The following COL18A1 variants were observed in gnomAD, a reference collection of about 807,000 sequenced individuals.
COL18A1 encodes the protein collagen alpha-1(XVIII) chain.
In COL18A1, 133 loss-of-function variants were observed where a neutral mutation model predicts 168.0. The ratio of observed to expected loss-of-function variants is 0.79; its 90% CI spans 0.69 to 0.91. The LOEUF (loss-of-function observed/expected upper bound fraction) is 0.91, where lower values mean the gene tolerates loss of function less well. Ranked by LOEUF, COL18A1 falls within the 40% of genes least tolerant of loss-of-function variation. The probability of loss-of-function intolerance (pLI) is 0.00; values close to 1 mark genes in which losing one functional copy is unlikely to be tolerated. For missense variants in COL18A1, 2,126 were observed against 1,925.4 expected (o/e 1.10, Z -1.95); for synonymous variants, 949 against 809.0 (o/e 1.17, Z -2.94).
chr21:45,451,178 C>T (rs765586899), intron 2 of COL18A1, among the ~76,000 whole-genome samples: 6 of 152,240 alleles, frequency 3.9e-5, no homozygotes, highest in Non-Finnish European at 5.9e-5. Context: ...CAGCTTCCAA[C>T]GGGCATTTCT....
chr21:45,474,295 GTGTGGTGTGTCTC>G (rs1307019648), intron 4 of COL18A1, among the ~76,000 whole-genome samples: 6 of 151,678 alleles, frequency 4.0e-5, no homozygotes, highest in African/African-American at 9.7e-5. Flanking sequence ...TCTGTGTCTT[GTGTGGTGTGTCTC>G]TGTGGTGTGT....
chr21:45,496,525 C>T lies in COL18A1; in HGVS notation c.2534C>T (p.Pro845Leu), dbSNP rs766611711. ...GGAATGCCCGGCCCCCCAGGACCTC[C>T]AGGGCCCCCAGGCCCTCCAGGGACT... ...MRGMPGPPGPPGPPGPPGTPV... is the reference protein window; with the variant it reads ...MRGMPGPPGPLGPPGPPGTPV... The change falls in exon 30 of 42, where the codon CCA becomes CTA. Residue 845 changes from proline (P) to leucine (L), a missense_variant. Transcript: ENST00000651438. The T allele has an allele frequency of 1.1e-5, 17 of 1,527,334 alleles. No individual in the cohort carries two copies. Among genetic ancestry groups the T allele is most frequent in the East Asian group, 2.2e-5 (1 of 44,516 alleles). The allele number at this position is 1,527,334 out of a possible 1,614,324, so 94.6% of individuals were successfully genotyped here.
rs1003945022 is a variant in COL18A1, at chr21:45,497,085, A to G, written c.2613A>G (p.Gly871=). The change falls in exon 31 of 42, where the codon GGA becomes GGG. Residue 871 remains glycine (G), a synonymous_variant. Coordinates refer to ENST00000651438, the MANE Select transcript of COL18A1 (RefSeq NM_001379500.1). The part of the protein sequence containing the change: ...FAESSRPGPP[G]LPGNQGPPGP... ...AGTCCAGCCGCCCCGGGCCTCCAGG[A>G]TTGCCAGGTGAGGGTCCTGGGCTCA... 2 of 1,591,364 alleles carry G rather than the reference A, an allele frequency of 1.3e-6. No individual in the cohort carries two copies. Among genetic ancestry groups the G allele is most frequent in the South Asian group, 2.2e-5 (2 of 90,794 alleles).
chr21:45,484,109 TGC>T (rs66498765), intron 15 of COL18A1, among the ~76,000 whole-genome samples: 1,248 of 101,560 alleles, frequency 0.012, 232 homozygotes, highest in African/African-American at 0.023. Flanking sequence ...CCAGCATATG[TGC>T]ACACGCACAC....
chr21:45,502,018 C>A (rs1163959867), intron 32 of COL18A1, among the ~76,000 whole-genome samples: 2 of 80,934 alleles, frequency 2.5e-5, no homozygotes, highest in African/African-American at 1.1e-4. Context: ...GGTCACCTCC[C>A]TCTGCAGAAG....
chr21:45,426,062 G>A (rs975109259), intron 2 of COL18A1, among the ~76,000 whole-genome samples: 3 of 152,122 alleles, frequency 2.0e-5, no homozygotes, highest in Non-Finnish European at 4.4e-5. Context: ...CCTGGCTGGG[G>A]CGTAAGTGAA....
chr21:45,502,361 G>A (rs1435975797), intron 32 of COL18A1, among the ~76,000 whole-genome samples: 1 of 152,240 alleles, frequency 6.6e-6, no homozygotes, highest in Non-Finnish European at 1.5e-5. Context: ...GGAAGGAGAA[G>A]GGGTTTTGTC....
Position 45,425,964 on chromosome 21 carries a change from C to G in COL18A1, c.106+20491C>G, listed in dbSNP as rs764433803. Among the ~76,000 whole-genome samples, 18 of 152,174 alleles carry G rather than the reference C, an allele frequency of 1.2e-4. No individual in the cohort carries two copies. Among genetic ancestry groups the G allele is most frequent in the Admixed American group, 3.3e-4 (5 of 15,278 alleles). On this transcript the variant is annotated intron_variant, in intron 2 of 41. Transcript: ENST00000651438. This position sits in a 1 kb window ranked among gnomAD's most constrained non-coding sequence, Gnocchi z 4.1. ...GCTTCTTTCATGTGGGATGAGAACCCAGGAAGGGGCTGAGTGTGACTCCTC... is the reference window on the plus strand; with the variant it reads ...GCTTCTTTCATGTGGGATGAGAACCGAGGAAGGGGCTGAGTGTGACTCCTC...
chr21:45,511,646 C>T (rs779114150), intron 41 of COL18A1, among the ~76,000 whole-genome samples: 15 of 152,126 alleles, frequency 9.9e-5, no homozygotes, highest in Non-Finnish European at 2.1e-4. Flanking sequence ...AAGAACGCTT[C>T]GTCCCAAATG....
At chr21:45,452,371 ATG>A (rs2034640839) in intron 2 of COL18A1, among the ~76,000 whole-genome samples, 1 of 152,330 alleles carries the variant, frequency 6.6e-6, no homozygotes, top group Admixed American at 6.5e-5. Flanking sequence ...GTAAGCATGT[ATG>A]TGAGCTTGTG....
intron 2 of COL18A1, chr21:45,424,817 T>C (rs2033738389): frequency 6.6e-6 from 1 of 152,402 alleles, no homozygotes; most frequent in Non-Finnish European, 1.5e-5. Flanking sequence ...CGCAGCCCCT[T>C]CCCGCCTCCT....
chr21:45,450,018 C>T (rs1049898665), intron 2 of COL18A1, among the ~76,000 whole-genome samples: 6 of 152,352 alleles, frequency 3.9e-5, no homozygotes, highest in African/African-American at 1.4e-4. Context: ...GTTTTCATTT[C>T]AAAAGGGCTG....
chr21:45,434,263 C>T (rs181276938), intron 2 of COL18A1, among the ~76,000 whole-genome samples: 37 of 152,038 alleles, frequency 2.4e-4, no homozygotes, highest in Non-Finnish European at 2.5e-4. Context: ...AAGCATCTGA[C>T]CAGAGGGTGC....
At chr21:45,495,713 C>T (rs1198900611) in intron 29 of COL18A1, 53 of 389,700 alleles carry the variant, frequency 1.4e-4, no homozygotes, top group South Asian at 1.1e-3. Flanking sequence ...CACGCGCACA[C>T]ATACACGCAC....
chr21:45,448,727 G>A lies in COL18A1; in HGVS notation c.107-19515G>A, dbSNP rs928281905. On this transcript the variant is annotated intron_variant, in intron 2 of 41. Coordinates refer to ENST00000651438, the MANE Select transcript of COL18A1 (RefSeq NM_001379500.1). ...CTGTCCGTCCTCCTGTGAACAGGTC[G>A]TCTTCAGATGCGCTCCATAATGTCC... is the stretch of plus-strand genomic sequence containing the variant. Among the ~76,000 whole-genome samples, 23 of 152,226 alleles carry A rather than the reference G, an allele frequency of 1.5e-4. 1 individual carries two copies. The highest frequency in any genetic ancestry group is 3.1e-4 in the African/African-American group (13 of 41,456).
chr21:45,480,417 GGCGGGGGGCCGA>G, intron 11 of COL18A1, 38 bp from the exon 12 acceptor site: 11 of 1,606,872 alleles, frequency 6.8e-6, no homozygotes, highest in Non-Finnish European at 9.4e-6. Context: ...GAGTAGGCCA[GGCGGGGGGCCGA>G]GCTCAGGGCA....
intron 2 of COL18A1, among the ~76,000 whole-genome samples, chr21:45,440,447 G>A (rs2034337185): frequency 6.6e-6 from 1 of 152,220 alleles, no homozygotes; most frequent in Non-Finnish European, 1.5e-5. Context: ...CCAGGTCCTG[G>A]GCCTCCGTGC....
Position 45,505,283 on chromosome 21 carries a change from GTCAGT to G in COL18A1, c.3013+6_3013+10del. On this transcript the variant is annotated splice_donor_region_variant and intron_variant, in intron 35 of 41. Transcript: ENST00000651438. ...TTCCTGGCCCTCACAGGCAGAGTAA[GTCAGT>G]GGGGAGTGGGCCCCGGGCAGAGGCC... 6.2e-7 allele frequency: 1 copy of G among 1,608,908 alleles called. No homozygotes were observed. The highest frequency in any genetic ancestry group is 1.1e-5 in the South Asian group (1 of 90,828).
chr21:45,442,551 A>G (rs904366099), intron 2 of COL18A1, among the ~76,000 whole-genome samples: 14 of 152,212 alleles, frequency 9.2e-5, no homozygotes, highest in African/African-American at 2.9e-4. Context: ...ACCCCTTCGG[A>G]TGAGCACGCC....
Sources: gnomAD v4.1 joint callset for allele counts (sites outside exome capture counted in the v4.1 genomes callset) on GRCh38, gnomAD v4.1.1 for gene constraint, Gnocchi (gnomAD v3.1) non-coding constraint, MANE v1.5 for transcripts, NCBI Gene and HGNC (gene_info 2026-07-23, HGNC 2026-07-21) for gene names.